Variants in LRRC4C observed in about 807,000 individuals in gnomAD.
LRRC4C encodes the protein leucine-rich repeat-containing protein 4C.
In LRRC4C, 5 loss-of-function variants were observed where a neutral mutation model predicts 33.6. That is an observed-to-expected ratio of 0.15 (90% CI 0.08 to 0.31). LRRC4C has a LOEUF of 0.31. Among genes scored for constraint, LRRC4C ranks in the 10% least tolerant of loss-of-function variants. The probability of loss-of-function intolerance (pLI) is 1.00; values close to 1 mark genes in which losing one functional copy is unlikely to be tolerated. For synonymous variants in LRRC4C, 329 were observed against 302.0 expected, an observed-to-expected ratio of 1.09 and a Z score of -0.93; for missense variants, 560 against 796.7, an observed-to-expected ratio of 0.70 and a Z score of 3.58.
At chr11:40,741,331 C>A (rs1414632476) in intron 2 of LRRC4C, among the ~76,000 whole-genome samples, 2 of 151,900 alleles carry the variant, frequency 1.3e-5, no homozygotes, top group African/African-American at 2.4e-5. Context: ...CATATATGTA[C>A]CCCCTAGCAC....
At chr11:41,092,286 G>A (rs749085774) in intron 1 of LRRC4C, among the ~76,000 whole-genome samples, 9 of 152,008 alleles carry the variant, frequency 5.9e-5, no homozygotes, top group Admixed American at 1.3e-4. Flanking sequence ...AATAAGTCTC[G>A]GAGGAAGTAG....
intron 1 of LRRC4C, among the ~76,000 whole-genome samples, chr11:41,118,493 A>G (rs149839523): frequency 1.1e-4 from 17 of 152,324 alleles, no homozygotes; most frequent in African/African-American, 2.6e-4. Flanking sequence ...ATTATCTTTT[A>G]CTTAGGTTTG....
intron 1 of LRRC4C, among the ~76,000 whole-genome samples, chr11:41,180,022 G>A (rs1945378543): frequency 6.6e-6 from 1 of 152,168 alleles, no homozygotes; most frequent in Non-Finnish European, 1.5e-5. Context: ...GGGCATGCAG[G>A]ACCTAGTAGA....
intron 1 of LRRC4C, among the ~76,000 whole-genome samples, chr11:41,191,933 C>T (rs933764143): frequency 6.6e-6 from 1 of 152,150 alleles, no homozygotes; most frequent in Non-Finnish European, 1.5e-5. Context: ...AATTTCGGTG[C>T]CAAAGGAAGA....
intron 2 of LRRC4C, among the ~76,000 whole-genome samples, chr11:40,697,735 C>G (rs980519680): frequency 1.3e-5 from 2 of 152,066 alleles, no homozygotes; most frequent in African/African-American, 2.4e-5. Flanking sequence ...TACCATTCTG[C>G]TATTTTTGAC....
chr11:40,460,766 T>C (rs1952355731), intron 3 of LRRC4C, among the ~76,000 whole-genome samples: 1 of 152,108 alleles, frequency 6.6e-6, no homozygotes, highest in Non-Finnish European at 1.5e-5. Context: ...CACCATTGTA[T>C]CTTGAGGACC....
At chr11:41,425,458 G>T (rs1165622354) in intron 1 of LRRC4C, among the ~76,000 whole-genome samples, 1 of 152,048 alleles carries the variant, frequency 6.6e-6, no homozygotes, top group Non-Finnish European at 1.5e-5. Context: ...GCTGAGTAAA[G>T]AAGTGACTTG....
chr11:40,778,562 C>A (rs755777983), intron 2 of LRRC4C, among the ~76,000 whole-genome samples: 8 of 152,018 alleles, frequency 5.3e-5, no homozygotes, highest in Non-Finnish European at 1.2e-4. Context: ...GTGCTAAATG[C>A]TCAGGAGAAA....
intron 1 of LRRC4C, among the ~76,000 whole-genome samples, chr11:40,942,181 G>A (rs561044429): frequency 2.8e-4 from 43 of 152,262 alleles, no homozygotes; most frequent in Non-Finnish European, 1.2e-4. Context: ...TTGCACATTA[G>A]AGGAGTCCTA....
chr11:40,270,698 A>T (rs988174075), intron 4 of LRRC4C, among the ~76,000 whole-genome samples: 3 of 152,242 alleles, frequency 2.0e-5, no homozygotes, highest in Admixed American at 1.3e-4. Flanking sequence ...AGGTGAAGAG[A>T]TGAACAGGGG....
intron 2 of LRRC4C, among the ~76,000 whole-genome samples, chr11:40,853,348 T>C (rs1953606794): frequency 6.7e-6 from 1 of 149,880 alleles, no homozygotes; most frequent in Non-Finnish European, 1.5e-5. Flanking sequence ...AATTTAACTA[T>C]ATATTTATAT....
chr11:40,146,446 G>A (rs1007517504), intron 5 of LRRC4C, among the ~76,000 whole-genome samples: 2 of 152,080 alleles, frequency 1.3e-5, no homozygotes, highest in Non-Finnish European at 2.9e-5. Flanking sequence ...ACCCGCTGAG[G>A]GGATGCCTCA....
chr11:41,448,245 G>A (rs1312501084), intron 1 of LRRC4C, among the ~76,000 whole-genome samples: 1 of 147,176 alleles, frequency 6.8e-6, no homozygotes, highest in African/African-American at 2.5e-5. Flanking sequence ...AAATATATGT[G>A]GTGTCATTAA....
intron 1 of LRRC4C, among the ~76,000 whole-genome samples, chr11:41,226,442 C>A (rs1350004141): frequency 6.6e-6 from 1 of 152,170 alleles, no homozygotes; most frequent in Non-Finnish European, 1.5e-5. Context: ...GTAGAGGACA[C>A]TGCCATCTAC....
At chr11:40,338,785 T>C in intron 3 of LRRC4C, among the ~76,000 whole-genome samples, 1 of 152,198 alleles carries the variant, frequency 6.6e-6, no homozygotes, top group East Asian at 1.9e-4. Flanking sequence ...GAGAGTTATC[T>C]TCATTAAAAA....
At chr11:40,946,252 G>A (rs1314384342) in intron 1 of LRRC4C, among the ~76,000 whole-genome samples, 2 of 152,112 alleles carry the variant, frequency 1.3e-5, no homozygotes, top group Non-Finnish European at 2.9e-5. Context: ...TCACGTGGCT[G>A]CAAAGGACAT....
At chr11:40,155,808 T>G (rs1489466299) in intron 5 of LRRC4C, among the ~76,000 whole-genome samples, 1 of 152,052 alleles carries the variant, frequency 6.6e-6, no homozygotes, top group Non-Finnish European at 1.5e-5. Context: ...CCTTTTGACA[T>G]TATTCCACAA....
chr11:40,500,216 A>G (rs912663739), intron 3 of LRRC4C, among the ~76,000 whole-genome samples: 1 of 150,040 alleles, frequency 6.7e-6, no homozygotes, highest in South Asian at 2.1e-4. Context: ...TGCCAATGGC[A>G]TAAGATTGTT....
In LRRC4C at chr11:41,102,924, T is replaced by C. The variant is rs74793439; in HGVS notation, c.-495-169201A>G. Among the ~76,000 whole-genome samples, 33 of 152,076 alleles carry C rather than the reference T, an allele frequency of 2.2e-4. No homozygotes were observed. In the East Asian group the frequency reaches 6.2e-3, roughly 29 times the overall value. ...TGTGAAAATGAAGGTGCTGATGACT[T>C]GCCAAATATAACTGGAAATCTGCAG... On this transcript the variant is annotated intron_variant, in intron 1 of 6. Coordinates refer to ENST00000528697, the MANE Select transcript of LRRC4C (RefSeq NM_001258419.2).
Sources: gnomAD v4.1 joint callset for allele counts (sites outside exome capture counted in the v4.1 genomes callset) on GRCh38, gnomAD v4.1.1 for gene constraint, MANE v1.5 for transcripts, NCBI Gene and HGNC (gene_info 2026-07-23, HGNC 2026-07-21) for gene names.